Variants in PCDHA9 observed in about 807,000 individuals in gnomAD.
PCDHA9 encodes the protein protocadherin alpha 9, also known as protocadherin alpha-9.
A neutral mutation model predicts 62.0 loss-of-function variants in PCDHA9; 62 were observed. The ratio of observed to expected loss-of-function variants is 1.00; its 90% CI spans 0.81 to 1.23. The LOEUF is 1.23. PCDHA9 is among the 50% of genes most tolerant of loss of function. The pLI, the probability that PCDHA9 is intolerant of heterozygous loss-of-function variation, is 0.00. For missense variants in PCDHA9, 1,205 were observed against 1,249.8 expected (o/e 0.96, Z 0.54); for synonymous variants, 557 against 567.6 (o/e 0.98, Z 0.27).
chr5:140,914,639 G>C (rs1348153716), intron 1 of PCDHA9, among the ~76,000 whole-genome samples: 5 of 151,890 alleles, frequency 3.3e-5, no homozygotes, highest in Admixed American at 3.3e-4. Context: ...TGGTTTCATG[G>C]TCATCTCTCC....
At chr5:140,869,598 T>A in intron 1 of PCDHA9, 6 of 1,614,122 alleles carry the variant, frequency 3.7e-6, no homozygotes, top group Non-Finnish European at 5.1e-6. Context: ...TTGAAGAGAA[T>A]GCTCTATTGA....
At chr5:140,860,453 G>A (rs1444199849) in intron 1 of PCDHA9, 5 of 152,018 alleles carry the variant, frequency 3.3e-5, no homozygotes, top group African/African-American at 1.2e-4. Flanking sequence ...ATTAATTCAC[G>A]TGATAATACA....
intron 1 of PCDHA9, among the ~76,000 whole-genome samples, chr5:140,972,225 G>A (rs959858462): frequency 3.3e-5 from 5 of 151,474 alleles, no homozygotes; most frequent in Admixed American, 2.0e-4. Context: ...CTGCAGCCTC[G>A]ACCTTCTGGG....
Position 140,857,539 on chromosome 5 carries a change from G to A in PCDHA9, c.2394+6650G>A, listed in dbSNP as rs782469087. The A allele has an allele frequency of 1.3e-5, 20 of 1,597,384 alleles. 1 individual carries two copies. Among genetic ancestry groups the A allele is most frequent in the Non-Finnish European group, 1.7e-5 (20 of 1,167,720 alleles). ...TGTCCTACTCTCTGGTGGAGCGGCG[G>A]TTGGGCGAGCGCTCGCTGTCGAGCT... On this transcript the variant is annotated intron_variant, in intron 1 of 3. Coordinates refer to ENST00000532602, the MANE Select transcript of PCDHA9 (RefSeq NM_031857.2).
chr5:140,883,068 C>T lies in PCDHA9; in HGVS notation c.2394+32179C>T, dbSNP rs782726947. The stretch of plus-strand genomic sequence containing the variant: ...ACATTAGTGATCAAGCTAAATGCCA[C>T]AGATCCTGATGATGGTACAAATGGA... On this transcript the variant is annotated intron_variant, in intron 1 of 3. Coordinates refer to ENST00000532602, the MANE Select transcript of PCDHA9 (RefSeq NM_031857.2). The T allele has an allele frequency of 1.4e-5, 23 of 1,614,130 alleles. No homozygotes were observed. The highest frequency in any genetic ancestry group is 1.9e-5 in the Non-Finnish European group (23 of 1,180,028).
chr5:140,876,759 T>A, intron 1 of PCDHA9: 1 of 1,614,146 alleles, frequency 6.2e-7, no homozygotes, highest in Non-Finnish European at 8.5e-7. Context: ...CTGCGCGGGA[T>A]GGGGGCTCGC....
intron 1 of PCDHA9, chr5:140,927,716 G>A (rs782756674): frequency 2.5e-6 from 4 of 1,614,072 alleles, no homozygotes; most frequent in Non-Finnish European, 3.4e-6. Context: ...CTAAGCAACA[G>A]CACGCAAGCA....
intron 1 of PCDHA9, chr5:140,876,782 C>T (rs372500794): frequency 2.5e-6 from 4 of 1,614,096 alleles, no homozygotes; most frequent in African/African-American, 2.7e-5. Flanking sequence ...TCGCTGTGGG[C>T]CACGGCTAGA....
intron 1 of PCDHA9, among the ~76,000 whole-genome samples, chr5:140,918,378 T>C (rs2078665832): frequency 6.6e-6 from 1 of 152,192 alleles, no homozygotes; most frequent in South Asian, 2.1e-4. Flanking sequence ...GGATGCCTTT[T>C]ATTTCTTTCT....
intron 1 of PCDHA9, chr5:140,863,348 C>G (rs548906600): frequency 3.0e-5 from 39 of 1,313,260 alleles, no homozygotes; most frequent in Non-Finnish European, 4.0e-5. Flanking sequence ...CTGCTGTACA[C>G]GACGCTGCGG....
In PCDHA9 at chr5:140,871,291, G is replaced by T. The variant is rs2052917819; in HGVS notation, c.2394+20402G>T. 3 of 1,613,906 alleles carry T rather than the reference G, an allele frequency of 1.9e-6. No individual in the cohort carries two copies. Among genetic ancestry groups the T allele is most frequent in the African/African-American group, 2.7e-5 (2 of 75,070 alleles). ...GTGGTCGGCAACGCCCACTGAGGGC[G>T]CGTGCGCGCCGGGGAAGCCCACGCT... On this transcript the variant is annotated intron_variant, in intron 1 of 3. Transcript: ENST00000532602.
At chr5:140,871,265 G>C in intron 1 of PCDHA9, 1 of 1,613,978 alleles carries the variant, frequency 6.2e-7, no homozygotes, top group South Asian at 1.1e-5. Flanking sequence ...ACGGCGCTGT[G>C]GTGGTCGGCA....
intron 1 of PCDHA9, chr5:140,875,534 T>G (rs114654172): frequency 0.025 from 39,957 of 1,614,138 alleles, 601 homozygotes; most frequent in Non-Finnish European, 0.03. Flanking sequence ...CTTCTGCTCC[T>G]TGCAGCCTGG....
chr5:140,876,258 C>G lies in PCDHA9; in HGVS notation c.2394+25369C>G, dbSNP rs782047443. ...ATGTCCAAAACGACACAAGAGTGAT[C>G]CAACTAAATGCTTCCGATCCAGACG... On this transcript the variant is annotated intron_variant, in intron 1 of 3. Coordinates refer to ENST00000532602, the MANE Select transcript of PCDHA9 (RefSeq NM_031857.2). 4 of 1,613,968 alleles carry G rather than the reference C, an allele frequency of 2.5e-6. No homozygotes were observed. The East Asian group carries it at 8.9e-5, about 36-fold the overall frequency.
At chr5:140,856,346 G>T in intron 1 of PCDHA9, 1 of 1,598,632 alleles carries the variant, frequency 6.3e-7, no homozygotes, top group Non-Finnish European at 8.6e-7. Context: ...GCGGAGCGTG[G>T]AGTGCAGCAT....
rs782194525 is a variant in PCDHA9 at position 140,927,807 on chromosome 5, C to T, written c.2395-51142C>T. The T allele has an allele frequency of 8.7e-6, 14 of 1,614,088 alleles. No homozygotes were observed. In the African/African-American group the frequency reaches 1.3e-4, roughly 15 times the overall value. Reference sequence around the variant, plus strand: ...CTTCACTAGGTCCGCCTGAAACGCTCTTGGAGGCATACATTGAGGCGAGGG... The same window carrying T: ...CTTCACTAGGTCCGCCTGAAACGCTTTTGGAGGCATACATTGAGGCGAGGG... On this transcript the variant is annotated intron_variant, in intron 1 of 3. Coordinates refer to ENST00000532602, the MANE Select transcript of PCDHA9 (RefSeq NM_031857.2).
At chr5:140,950,580 C>T (rs2094499075) in intron 1 of PCDHA9, among the ~76,000 whole-genome samples, 1 of 151,958 alleles carries the variant, frequency 6.6e-6, no homozygotes, top group South Asian at 2.1e-4. Context: ...TTTCTACTTA[C>T]CTTTGGTTTA....
intron 1 of PCDHA9, among the ~76,000 whole-genome samples, chr5:140,911,737 G>A (rs187858302): frequency 3.4e-4 from 51 of 152,238 alleles, no homozygotes; most frequent in African/African-American, 9.9e-4. Flanking sequence ...TTCGTGCCAA[G>A]GACTATCAGT....
At chr5:140,882,832 A>T (rs781961557) in intron 1 of PCDHA9, 1 of 1,614,216 alleles carries the variant, frequency 6.2e-7, no homozygotes, top group Non-Finnish European at 8.5e-7. Flanking sequence ...GTCTTGAGCA[A>T]ATGTCTTCAT....
Sources: allele counts gnomAD v4.1 joint callset (sites outside exome capture counted in the v4.1 genomes callset), GRCh38; gene constraint gnomAD v4.1.1; transcripts MANE v1.5; gene names NCBI Gene and HGNC (gene_info 2026-07-23, HGNC 2026-07-21).